HDAC9: variants seen among roughly 807,000 people sequenced by gnomAD.
HDAC9 encodes histone deacetylase 9, also known as MEF-2 interacting transcription repressor (MITR) protein.
Under a neutral mutation model 139.4 loss-of-function variants are expected in HDAC9, and 41 were observed. The observed-to-expected ratio is 0.29, with a 90% CI of 0.23 to 0.38. The LOEUF is 0.38. HDAC9 is among the 10% of genes least tolerant of loss of function. The pLI is 1.00. For missense variants in HDAC9, 1,147 were observed against 1,297.0 expected (o/e 0.88, Z 1.78); for synonymous variants, 517 against 476.2 (o/e 1.09, Z -1.12).
chr7:18,279,528 T>C (rs1329787898), intron 2 of HDAC9, among the ~76,000 whole-genome samples: 2 of 151,692 alleles, frequency 1.3e-5, no homozygotes, highest in Non-Finnish European at 1.5e-5. Context: ...CGCAGTGGCG[T>C]GATCTCAGCT....
chr7:18,975,699 T>A, intron 24 of HDAC9, 107 bp from the exon 25 acceptor site: 1 of 1,014,708 alleles, frequency 9.9e-7, no homozygotes, highest in Non-Finnish European at 1.5e-6. Context: ...GTGTATAACA[T>A]GGGGAATTTT....
chr7:18,305,724 G>C (rs1381624928), intron 1 of HDAC9, among the ~76,000 whole-genome samples: 1 of 132,526 alleles, frequency 7.5e-6, no homozygotes. Flanking sequence ...GGGTCTAATA[G>C]ATGAGAAGAC....
intron 21 of HDAC9, among the ~76,000 whole-genome samples, chr7:18,862,959 G>T (rs918762551): frequency 6.6e-6 from 1 of 152,064 alleles, no homozygotes; most frequent in Non-Finnish European, 1.5e-5. Flanking sequence ...CCTCATTACA[G>T]TAGTATAATT....
At chr7:18,548,105 T>C (rs1010657449) in intron 2 of HDAC9, among the ~76,000 whole-genome samples, 7 of 152,056 alleles carry the variant, frequency 4.6e-5, no homozygotes, top group Admixed American at 6.6e-5. Flanking sequence ...GGGTTATTAA[T>C]TGCCCTAATT....
At chr7:18,399,134 G>A (rs546621210) in intron 1 of HDAC9, among the ~76,000 whole-genome samples, 1 of 152,108 alleles carries the variant, frequency 6.6e-6, no homozygotes, top group African/African-American at 2.4e-5. Context: ...TTAGTTTTTA[G>A]TACCTGGTTA....
chr7:18,899,660 A>C (rs1296661121), intron 22 of HDAC9, among the ~76,000 whole-genome samples: 1 of 152,062 alleles, frequency 6.6e-6, no homozygotes, highest in African/African-American at 2.4e-5. Flanking sequence ...ACAGTGAGTT[A>C]ATGATACAGT....
At chr7:18,887,680 G>C (rs10261942) in intron 22 of HDAC9, among the ~76,000 whole-genome samples, 40,227 of 152,042 alleles carry the variant, frequency 0.26, 5,374 homozygotes, top group South Asian at 0.35. Context: ...AATACATTTG[G>C]AATCTTATGT....
At chr7:18,431,405 T>A (rs150052487) in intron 1 of HDAC9, among the ~76,000 whole-genome samples, 1 of 152,224 alleles carries the variant, frequency 6.6e-6, no homozygotes, top group Non-Finnish European at 1.5e-5. Flanking sequence ...ACTGCCATAA[T>A]GTAGTCACAT....
intron 18 of HDAC9, 87 bp downstream of exon 18, chr7:18,829,303 G>A (rs986750159): frequency 3.3e-6 from 4 of 1,212,334 alleles, no homozygotes; most frequent in Admixed American, 3.4e-5. Flanking sequence ...GCCTCTAATT[G>A]TTAGCAGATG....
At chr7:18,237,885 A>G (rs2128188020) in intron 2 of HDAC9, among the ~76,000 whole-genome samples, 1 of 152,322 alleles carries the variant, frequency 6.6e-6, no homozygotes, top group Non-Finnish European at 1.5e-5. Context: ...TTGGTGTAGT[A>G]TTCTTGCATC....
intron 14 of HDAC9, among the ~76,000 whole-genome samples, chr7:18,761,337 T>A (rs956185115): frequency 1.3e-5 from 2 of 152,232 alleles, no homozygotes; most frequent in East Asian, 3.8e-4. Flanking sequence ...CTGCCTAGCC[T>A]TTTTGGAAAA....
At chr7:18,752,104 C>T (rs1041538167) in intron 14 of HDAC9, among the ~76,000 whole-genome samples, 1 of 152,042 alleles carries the variant, frequency 6.6e-6, no homozygotes, top group Non-Finnish European at 1.5e-5. Flanking sequence ...TATTTCATGC[C>T]AAATTATTTT....
At chr7:18,931,848 G>C (rs1357902846) in intron 22 of HDAC9, among the ~76,000 whole-genome samples, 2 of 152,270 alleles carry the variant, frequency 1.3e-5, no homozygotes, top group East Asian at 1.9e-4. Flanking sequence ...GGGGCAGAGA[G>C]GGAGGATGAA....
rs879309051 is a variant in HDAC9 at position 18,477,406 on chromosome 7, C to CGTGTGTGT, written c.-41-18856_-41-18855insGTGTGTGT. ...TCAGTTATGTGTGCGTGCGTGCGTG[C>CGTGTGTGT]ATGCGTGTGTGTGTGTGTGAAACAA... On this transcript the variant is annotated intron_variant, in intron 1 of 3. Transcript: ENST00000413509. 6.9e-3 allele frequency among the ~76,000 whole-genome samples: 1,051 copies of CGTGTGTGT among 152,060 alleles called. 11 individuals carry two copies. Among genetic ancestry groups the CGTGTGTGT allele is most frequent in the African/African-American group, 0.024 (993 of 41,436 alleles).
intron 12 of HDAC9, among the ~76,000 whole-genome samples, chr7:18,689,827 T>A (rs1204862948): frequency 6.6e-6 from 1 of 151,990 alleles, no homozygotes; most frequent in Non-Finnish European, 1.5e-5. Flanking sequence ...TTTGGTGTAC[T>A]TGTCAACTGT....
At chr7:18,636,494 G>A (rs993010053) in intron 8 of HDAC9, among the ~76,000 whole-genome samples, 8 of 151,928 alleles carry the variant, frequency 5.3e-5, no homozygotes, top group Admixed American at 2.0e-4. Context: ...CTCCCCTGGA[G>A]GAATATACCT....
At chr7:18,437,529 GTA>G (rs372626726) in intron 1 of HDAC9, among the ~76,000 whole-genome samples, 61 of 148,410 alleles carry the variant, frequency 4.1e-4, no homozygotes, top group Admixed American at 3.4e-4. Flanking sequence ...CAGATAATGT[GTA>G]TATATATATA....
At chr7:18,263,184 C>A (rs1562808858) in intron 2 of HDAC9, among the ~76,000 whole-genome samples, 2 of 152,070 alleles carry the variant, frequency 1.3e-5, no homozygotes. Flanking sequence ...ATATGCCATG[C>A]AAACAGTGAC....
At chr7:18,374,691 G>C (rs1784856987) in intron 1 of HDAC9, among the ~76,000 whole-genome samples, 1 of 151,850 alleles carries the variant, frequency 6.6e-6, no homozygotes, top group Non-Finnish European at 1.5e-5. Flanking sequence ...GTTATGCTGG[G>C]TGTCTCCAGA....
Sources: allele counts gnomAD v4.1 joint callset (sites outside exome capture counted in the v4.1 genomes callset), GRCh38; gene constraint gnomAD v4.1.1; transcripts MANE v1.5; gene names NCBI Gene and HGNC (gene_info 2026-07-23, HGNC 2026-07-21).